Variants in SMAD4 observed in about 807,000 individuals in gnomAD.
The protein encoded by SMAD4 is MAD homolog 4.
In SMAD4, 7 loss-of-function variants were observed where a neutral mutation model predicts 63.2. The observed-to-expected ratio is 0.11, with a 90% CI of 0.06 to 0.21. The LOEUF (loss-of-function observed/expected upper bound fraction) is 0.21, where lower values mean the gene tolerates loss of function less well. SMAD4 is among the 10% of genes least tolerant of loss of function. The probability of loss-of-function intolerance (pLI) is 1.00; values close to 1 mark genes in which losing one functional copy is unlikely to be tolerated. For synonymous variants in SMAD4, 215 were observed against 235.4 expected (o/e 0.91, Z 0.79); for missense variants, 312 against 693.8 (o/e 0.45, Z 6.18).
At position 51,083,219 on chromosome 18, in the gene SMAD4, A is replaced by G. The variant is rs924653119; in HGVS notation, c.*4752A>G. 4.4e-5 allele frequency: 10 copies of G among 227,406 alleles called. No individual in the cohort carries two copies. Among genetic ancestry groups the G allele is most frequent in the South Asian group, 3.7e-4 (2 of 5,478 alleles). 14.1% of individuals were successfully genotyped at this position (227,406 alleles called of 1,614,324 possible). On this transcript the variant is annotated 3_prime_UTR_variant, in exon 12 of 12. Transcript: ENST00000342988. ...TGTCTGGAGGACACCAGCAAACAAC[A>G]CACAACAAAGCAAAACAAACCTTGG...
At chr18:51,058,590 A>AT (rs1298357646) in intron 7 of SMAD4, 134 bp downstream of exon 7, 1 of 689,454 alleles carries the variant, frequency 1.5e-6, no homozygotes. Context: ...GCTTTTCAGT[A>AT]TTTTTTGTAA....
intron 10 of SMAD4, among the ~76,000 whole-genome samples, chr18:51,070,561 T>A (rs1910289938): frequency 6.6e-6 from 1 of 152,354 alleles, no homozygotes; most frequent in Admixed American, 6.5e-5. Context: ...CAGTTACAAG[T>A]ACAACCCCAT....
chr18:51,063,537 C>G (rs1430881150), intron 8 of SMAD4, among the ~76,000 whole-genome samples: 2 of 152,074 alleles, frequency 1.3e-5, no homozygotes, highest in Admixed American at 6.5e-5. Context: ...CTCAGCCTCC[C>G]GTGTAGCTGG....
chr18:51,077,327 AC>A (rs1456340793), intron 11 of SMAD4: 1 of 940,608 alleles, frequency 1.1e-6, no homozygotes, highest in Non-Finnish European at 1.3e-6. Flanking sequence ...CTGACTATAG[AC>A]TTTTATGATG....
chr18:51,058,739 T>C lies in SMAD4; in HGVS notation c.904+283T>C, dbSNP rs1909919586. Among the ~76,000 whole-genome samples the C allele has an allele frequency of 2.0e-5, 3 of 152,232 alleles. No homozygotes were observed. In the South Asian group the frequency reaches 6.2e-4, roughly 31 times the overall value. On this transcript the variant is annotated intron_variant, in intron 7 of 11. Transcript: ENST00000342988. Reference sequence around the variant, plus strand: ...CATTTGTTTGTTTGCTTTGTATATGTTCTTAGATCTCATCTGTGTCTTGTA... The same window carrying C: ...CATTTGTTTGTTTGCTTTGTATATGCTCTTAGATCTCATCTGTGTCTTGTA...
At chr18:51,031,912 ACTCT>A (rs1003883914) in intron 1 of SMAD4, among the ~76,000 whole-genome samples, 10 of 152,196 alleles carry the variant, frequency 6.6e-5, no homozygotes, top group African/African-American at 2.2e-4. Context: ...CTAAGGACTT[ACTCT>A]CTCTATATTG....
At chr18:51,076,275 A>C (rs935289286) in intron 10 of SMAD4, among the ~76,000 whole-genome samples, 1 of 152,216 alleles carries the variant, frequency 6.6e-6, no homozygotes, top group Non-Finnish European at 1.5e-5. Flanking sequence ...TATCAACTCC[A>C]GCCTAAGGAA....
chr18:51,080,027 GATAA>G lies in SMAD4; in HGVS notation c.*1564_*1567del, dbSNP rs886053903. 6 of 213,932 alleles carry G rather than the reference GATAA, an allele frequency of 2.8e-5. No individual in the cohort carries two copies. Among genetic ancestry groups the G allele is most frequent in the Admixed American group, 5.9e-5 (1 of 17,054 alleles). 13.3% of individuals were successfully genotyped at this position (213,932 alleles called of 1,614,324 possible). A position where few individuals can be genotyped will look rare whatever the true frequency, so the allele number is the denominator to read the frequency against. On this transcript the variant is annotated 3_prime_UTR_variant, in exon 12 of 12. Coordinates refer to ENST00000342988, the MANE Select transcript of SMAD4 (RefSeq NM_005359.6). The stretch of plus-strand genomic sequence containing the variant: ...AAATAGACCTGATTATCTACAAGAT[GATAA>G]ATAGATTGTCTACAGGATAAATAGT...
intron 10 of SMAD4, among the ~76,000 whole-genome samples, chr18:51,073,050 T>C (rs1451448024): frequency 6.6e-6 from 1 of 152,026 alleles, no homozygotes; most frequent in Non-Finnish European, 1.5e-5. Flanking sequence ...GTGCTATAAT[T>C]ACGTAAATAA....
chr18:51,052,281 TTATA>T (rs1275170206), intron 4 of SMAD4: 1 of 152,518 alleles, frequency 6.6e-6, no homozygotes, highest in Non-Finnish European at 1.5e-5. Flanking sequence ...GTGGGATTAT[TTATA>T]CTTTAACAGA....
intron 10 of SMAD4, among the ~76,000 whole-genome samples, chr18:51,072,582 A>G (rs899856671): frequency 2.0e-5 from 3 of 152,150 alleles, no homozygotes; most frequent in Non-Finnish European, 1.5e-5. Context: ...TTAATTTAAG[A>G]TTATATAGTA....
intron 10 of SMAD4, among the ~76,000 whole-genome samples, chr18:51,074,137 G>A (rs909088132): frequency 6.6e-6 from 1 of 151,696 alleles, no homozygotes; most frequent in Non-Finnish European, 1.5e-5. Context: ...ACTTCGGGAG[G>A]TCAAGGTAGG....
intron 8 of SMAD4, among the ~76,000 whole-genome samples, chr18:51,061,185 A>G (rs1270193390): frequency 6.6e-6 from 1 of 152,224 alleles, no homozygotes; most frequent in African/African-American, 2.4e-5. Flanking sequence ...TGGGGTATAC[A>G]TCCCTTCAAG....
At chr18:51,067,739 G>T (rs1910203688) in intron 10 of SMAD4, among the ~76,000 whole-genome samples, 2 of 152,126 alleles carry the variant, frequency 1.3e-5, no homozygotes, top group Non-Finnish European at 2.9e-5. Context: ...GTAATACAAA[G>T]GCTCTTGAAA....
chr18:51,067,624 G>A (rs1264061929), intron 10 of SMAD4, among the ~76,000 whole-genome samples: 2 of 152,012 alleles, frequency 1.3e-5, no homozygotes, highest in Non-Finnish European at 2.9e-5. Context: ...TGTTGGCCAG[G>A]CTGGTCTCGA....
intron 2 of SMAD4, among the ~76,000 whole-genome samples, chr18:51,047,783 AT>A (rs1344306754): frequency 6.6e-6 from 1 of 151,838 alleles, no homozygotes; most frequent in Non-Finnish European, 1.5e-5. Flanking sequence ...TAATTTTTGT[AT>A]TTTTAGTAGA....
intron 8 of SMAD4, among the ~76,000 whole-genome samples, chr18:51,064,052 A>T (rs540989732): frequency 2.4e-3 from 337 of 140,794 alleles, no homozygotes; most frequent in Non-Finnish European, 4.5e-3. Flanking sequence ...ATTTTAGGTT[A>T]TTTTTTTTTT....
intron 1 of SMAD4, among the ~76,000 whole-genome samples, chr18:51,036,333 A>G (rs1599173563): frequency 6.6e-6 from 1 of 152,210 alleles, no homozygotes; most frequent in Admixed American, 6.5e-5. Flanking sequence ...ATGTATTTCT[A>G]AATATAAGAT....
intron 8 of SMAD4, among the ~76,000 whole-genome samples, chr18:51,063,659 C>T (rs2510000): frequency 0.062 from 9,421 of 152,132 alleles, 388 homozygotes; most frequent in South Asian, 0.13. Context: ...GTGATCTGCC[C>T]ATCTTGGCCT....
Sources: allele counts gnomAD v4.1 joint callset (sites outside exome capture counted in the v4.1 genomes callset), GRCh38; gene constraint gnomAD v4.1.1; transcripts MANE v1.5; gene names NCBI Gene and HGNC (gene_info 2026-07-23, HGNC 2026-07-21).